The following PTPRC variants were observed in gnomAD, a reference collection of about 807,000 sequenced individuals.
The protein encoded by PTPRC is protein tyrosine phosphatase receptor type C, also known as receptor-type tyrosine-protein phosphatase C.
Under a neutral mutation model 155.9 loss-of-function variants are expected in PTPRC, and 44 were observed. The ratio of observed to expected loss-of-function variants is 0.28; its 90% CI spans 0.22 to 0.36. The LOEUF (loss-of-function observed/expected upper bound fraction) is 0.36, where lower values mean the gene tolerates loss of function less well. Among genes scored for constraint, PTPRC ranks in the 10% least tolerant of loss-of-function variants. The pLI is 1.00. For synonymous variants in PTPRC, 525 were observed against 533.1 expected, an observed-to-expected ratio of 0.98 and a Z score of 0.21; for missense variants, 1,401 against 1,564.6, an observed-to-expected ratio of 0.90 and a Z score of 1.76.
intron 2 of PTPRC, among the ~76,000 whole-genome samples, chr1:198,657,248 A>G (rs1398912132): frequency 6.6e-6 from 1 of 151,986 alleles, no homozygotes; most frequent in African/African-American, 2.4e-5. Flanking sequence ...TTTTATGTTT[A>G]TAGTTGATAA....
intron 2 of PTPRC, among the ~76,000 whole-genome samples, chr1:198,665,543 C>A (rs560066806): frequency 6.6e-6 from 1 of 152,232 alleles, no homozygotes; most frequent in African/African-American, 2.4e-5. Context: ...TTTGCAATGG[C>A]AGGTCCCCGT....
intron 31 of PTPRC, among the ~76,000 whole-genome samples, chr1:198,753,884 G>C (rs1012769926): frequency 1.3e-5 from 2 of 151,966 alleles, no homozygotes; most frequent in Admixed American, 1.3e-4. Flanking sequence ...AAAATATTAG[G>C]TCTAATATTT....
intron 2 of PTPRC, among the ~76,000 whole-genome samples, chr1:198,652,742 T>A (rs1205112531): frequency 6.6e-6 from 1 of 151,720 alleles, no homozygotes; most frequent in Non-Finnish European, 1.5e-5. Flanking sequence ...GCTCAAGGAA[T>A]AAGAGGTTCT....
At chr1:198,657,264 T>C (rs576379255) in intron 2 of PTPRC, among the ~76,000 whole-genome samples, 8 of 152,164 alleles carry the variant, frequency 5.3e-5, no homozygotes, top group African/African-American at 1.9e-4. Context: ...GATAAAGTGT[T>C]AGTGGCAAGA....
intron 2 of PTPRC, among the ~76,000 whole-genome samples, chr1:198,653,351 G>T (rs10922468): frequency 0.77 from 116,252 of 151,766 alleles, 45,495 homozygotes; most frequent in African/African-American, 0.92. Context: ...TTTGAAAAAC[G>T]ATAAAGGAGT....
chr1:198,671,155 TCTCA>T (rs1664620747), intron 2 of PTPRC, among the ~76,000 whole-genome samples: 1 of 144,610 alleles, frequency 6.9e-6, no homozygotes, highest in Non-Finnish European at 1.5e-5. Flanking sequence ...CAGTCTACAC[TCTCA>T]CTTTTCACTA....
At chr1:198,707,957 A>G (rs1409089680) in intron 9 of PTPRC, among the ~76,000 whole-genome samples, 176 bp from the exon 10 acceptor site, 2 of 152,202 alleles carry the variant, frequency 1.3e-5, no homozygotes, top group Non-Finnish European at 2.9e-5. Flanking sequence ...AGTAAATAAT[A>G]AAAGAAACAA....
rs985152940 is a variant in PTPRC at position 198,681,449 on chromosome 1, G to A, written c.74-10898G>A. The stretch of plus-strand genomic sequence containing the variant: ...ACTTCAGTGCATTTGCTTGCAAAGG[G>A]TGCAATGTGATGTTTCCTACTGGTA... On this transcript the variant is annotated intron_variant, in intron 2 of 32. Transcript: ENST00000442510. Among the ~76,000 whole-genome samples, 20 of 152,260 alleles carry A rather than the reference G, an allele frequency of 1.3e-4. No individual in the cohort carries two copies. In the East Asian group the frequency reaches 3.9e-3, roughly 29 times the overall value.
At chr1:198,686,208 G>C (rs923969099) in intron 2 of PTPRC, among the ~76,000 whole-genome samples, 2 of 151,968 alleles carry the variant, frequency 1.3e-5, no homozygotes, top group Non-Finnish European at 2.9e-5. Context: ...CAAGTGTTCT[G>C]TTATCTACAT....
intron 23 of PTPRC, among the ~76,000 whole-genome samples, chr1:198,739,926 T>C (rs1219244373): frequency 6.6e-6 from 1 of 151,780 alleles, no homozygotes; most frequent in East Asian, 1.9e-4. Flanking sequence ...GTTTGGAAAC[T>C]ATACAAACTC....
At chr1:198,662,057 C>A (rs1385233971) in intron 2 of PTPRC, among the ~76,000 whole-genome samples, 1 of 152,182 alleles carries the variant, frequency 6.6e-6, no homozygotes, top group African/African-American at 2.4e-5. Context: ...CCATGTCCAA[C>A]TGGTCAGCCA....
chr1:198,724,772 C>G (rs1654053034), intron 15 of PTPRC, among the ~76,000 whole-genome samples: 1 of 151,078 alleles, frequency 6.6e-6, no homozygotes, highest in Non-Finnish European at 1.5e-5. Context: ...CTTGGTCTTA[C>G]CTGAATTTTT....
chr1:198,720,504 A>G (rs1653837049), intron 14 of PTPRC, among the ~76,000 whole-genome samples: 1 of 151,806 alleles, frequency 6.6e-6, no homozygotes, highest in Non-Finnish European at 1.5e-5. Context: ...TAATTTTTGT[A>G]TTTTTAGTAG....
intron 14 of PTPRC, among the ~76,000 whole-genome samples, chr1:198,719,036 A>G (rs930955075): frequency 6.6e-6 from 1 of 152,110 alleles, no homozygotes; most frequent in African/African-American, 2.4e-5. Context: ...CCGATAACAC[A>G]CTTATTGGTA....
rs758589060 is a variant in PTPRC at position 198,742,264 on chromosome 1, G to A, written c.2594G>A (p.Gly865Glu). The A allele has an allele frequency of 1.9e-6, 3 of 1,612,208 alleles. No homozygotes were observed. ...AGVGRTGTYI[G>E]IDAMLEGLEA... ...GTTGGGCGCACAGGAACCTATATCGGAATTGATGCCATGCTAGAAGGCCTG... is the reference window on the plus strand; with the variant it reads ...GTTGGGCGCACAGGAACCTATATCGAAATTGATGCCATGCTAGAAGGCCTG... Residue 865 changes from glycine to glutamate, a missense_variant, in exon 25 of 33, where the codon GGA becomes GAA. Physicochemically the swap from Gly to Glu is moderately conservative, Grantham distance 98. This residue lies in a region of PTPRC where 134 missense variants were observed against 204.7 expected (regional missense o/e 0.65). Transcript: ENST00000442510.
chr1:198,639,304 T>C lies in PTPRC; in HGVS notation c.36T>C (p.Phe12=). Residue 12 remains phenylalanine, a synonymous_variant, in exon 2 of 33, where the codon TTT becomes TTC. Transcript: ENST00000442510. The part of the protein sequence containing the change: ...TMYLWLKLLA[F]GFAFLDTEVF... The stretch of plus-strand genomic sequence containing the variant: ...ATTTGTGGCTTAAACTCTTGGCATT[T>C]GGCTTTGCCTTTCTGGACACAGAAG... The C allele has an allele frequency of 6.2e-7, 1 of 1,613,490 alleles. No homozygotes were observed. The highest frequency in any genetic ancestry group is 8.5e-7 in the Non-Finnish European group (1 of 1,179,516).
chr1:198,679,892 TG>T, intron 2 of PTPRC: 1 of 616,576 alleles, frequency 1.6e-6, no homozygotes, highest in Non-Finnish European at 2.9e-6. Flanking sequence ...CATGAAATGC[TG>T]GTGGGTCTGT....
chr1:198,744,922 G>T (rs912840186), intron 26 of PTPRC, among the ~76,000 whole-genome samples: 1 of 151,752 alleles, frequency 6.6e-6, no homozygotes, highest in Non-Finnish European at 1.5e-5. Flanking sequence ...TAAGGTGGGG[G>T]TGGAGGTGGA....
At chr1:198,715,612 A>G (rs1653547829) in intron 12 of PTPRC, among the ~76,000 whole-genome samples, 1 of 151,864 alleles carries the variant, frequency 6.6e-6, no homozygotes, top group Non-Finnish European at 1.5e-5. Flanking sequence ...GTTGCTGGAA[A>G]TTATTTTGTG....
Sources: gnomAD v4.1 joint callset for allele counts (sites outside exome capture counted in the v4.1 genomes callset) on GRCh38, gnomAD v4.1.1 for gene constraint, gnomAD v4.1.1 regional missense constraint, MANE v1.5 for transcripts, NCBI Gene and HGNC (gene_info 2026-07-23, HGNC 2026-07-21) for gene names.